Variants in MRPS9 observed in about 807,000 individuals in gnomAD.
MRPS9 encodes the protein small ribosomal subunit protein uS9m.
A neutral mutation model predicts 59.9 loss-of-function variants in MRPS9; 45 were observed. The ratio of observed to expected loss-of-function variants is 0.75; its 90% CI spans 0.59 to 0.96. MRPS9 has a LOEUF of 0.96. MRPS9 is among the 40% of genes least tolerant of loss of function. MRPS9 has a pLI of 0.00. For synonymous variants in MRPS9, 171 were observed against 166.8 expected (o/e 1.03, Z -0.19); for missense variants, 473 against 481.1 (o/e 0.98, Z 0.16).
rs1026095590 is a variant in MRPS9, at chr2:105,075,888, A to G, written c.410-4095A>G. 2.6e-5 allele frequency among the ~76,000 whole-genome samples: 4 copies of G among 152,176 alleles called. No homozygotes were observed. The East Asian group carries it at 7.7e-4, about 29-fold the overall frequency. On this transcript the variant is annotated intron_variant, in intron 4 of 10. Transcript: ENST00000258455. ...AGCATATCAAGACAAACAGAAACAC[A>G]TCAAATTTAAAAATATATCAATAGA...
At chr2:105,048,065 G>A (rs867964004) in intron 1 of MRPS9, among the ~76,000 whole-genome samples, 9 of 151,828 alleles carry the variant, frequency 5.9e-5, no homozygotes, top group South Asian at 4.1e-4. Flanking sequence ...TGTTTATTGC[G>A]GCACTATTCA....
intron 1 of MRPS9, among the ~76,000 whole-genome samples, chr2:105,045,176 A>G (rs1679570735): frequency 2.0e-5 from 3 of 152,184 alleles, no homozygotes; most frequent in African/African-American, 7.2e-5. Context: ...GCTGAAAAAG[A>G]GCTGAATAAG....
At chr2:105,084,058 CA>C (rs544707695) in intron 5 of MRPS9, among the ~76,000 whole-genome samples, 8 of 152,014 alleles carry the variant, frequency 5.3e-5, no homozygotes, top group Non-Finnish European at 1.2e-4. Context: ...TGAAGTTTTA[CA>C]AAAGCTCCCC....
intron 2 of MRPS9, among the ~76,000 whole-genome samples, chr2:105,049,613 G>A (rs1679672785): frequency 6.6e-6 from 1 of 152,176 alleles, no homozygotes; most frequent in Non-Finnish European, 1.5e-5. Flanking sequence ...CTGTTGTGTA[G>A]TCTTAGACTC....
At chr2:105,097,356 C>T in intron 10 of MRPS9, 32 bp downstream of exon 10, 1 of 1,530,814 alleles carries the variant, frequency 6.5e-7, no homozygotes, top group Non-Finnish European at 8.8e-7. Flanking sequence ...GCATGGTGGC[C>T]CAATACTGGC....
At chr2:105,038,615 G>A (rs1402711396) in intron 1 of MRPS9, 1 of 180,818 alleles carries the variant, frequency 5.5e-6, no homozygotes, top group Non-Finnish European at 1.2e-5. Flanking sequence ...TCCTGCAGGT[G>A]CCTGGAAGAC....
chr2:105,063,606 A>G (rs1679944554), intron 2 of MRPS9, among the ~76,000 whole-genome samples: 1 of 152,246 alleles, frequency 6.6e-6, no homozygotes, highest in Non-Finnish European at 1.5e-5. Context: ...TACAATTGCA[A>G]ACATCATGAT....
intron 2 of MRPS9, among the ~76,000 whole-genome samples, chr2:105,055,587 A>G (rs6731992): frequency 0.16 from 19,038 of 119,624 alleles, 2,456 homozygotes; most frequent in Middle Eastern, 0.26. Flanking sequence ...AATATAGCGG[A>G]CCCCTTTTGG....
At chr2:105,084,896 G>A (rs1004436319) in intron 5 of MRPS9, among the ~76,000 whole-genome samples, 1 of 152,044 alleles carries the variant, frequency 6.6e-6, no homozygotes, top group Non-Finnish European at 1.5e-5. Context: ...TAATTTTTTA[G>A]AAAAGGATTC....
chr2:105,096,989 A>G (rs1283686175), intron 9 of MRPS9, 166 bp from the exon 10 acceptor site: 6 of 610,244 alleles, frequency 9.8e-6, no homozygotes, highest in Non-Finnish European at 1.5e-5. Flanking sequence ...AATGTCAGAA[A>G]TGTTAGTGTT....
At chr2:105,063,816 C>T (rs1341152276) in intron 2 of MRPS9, among the ~76,000 whole-genome samples, 1 of 152,120 alleles carries the variant, frequency 6.6e-6, no homozygotes, top group African/African-American at 2.4e-5. Flanking sequence ...CTCTGCAATC[C>T]ATTTGGTTGT....
intron 1 of MRPS9, among the ~76,000 whole-genome samples, chr2:105,041,295 G>A (rs2104435952): frequency 6.6e-6 from 1 of 152,220 alleles, no homozygotes; most frequent in Non-Finnish European, 1.5e-5. Flanking sequence ...AAAAACAAAA[G>A]ACCAATTGCT....
In MRPS9 at chr2:105,089,031, G is replaced by T; in HGVS notation, c.537G>T (p.Leu179Phe). The change falls in exon 6 of 11, where the codon TTG becomes TTT. Residue 179 changes from leucine (L) to phenylalanine (F), a missense_variant. Physicochemically the swap from Leu to Phe is conservative, Grantham distance 22. Coordinates refer to ENST00000258455, the MANE Select transcript of MRPS9 (RefSeq NM_182640.3). ...ATTTAGAAAAACATCAAAGTCACTT[G>T]CAAGCCAAAAGTCTGCTCCCAGAAA... ...LLNLEKHQSH[L>F]QAKSLLPEKT... The T allele has an allele frequency of 6.2e-7, 1 of 1,611,542 alleles. No individual in the cohort carries two copies. The highest frequency in any genetic ancestry group is 8.5e-7 in the Non-Finnish European group (1 of 1,178,464).
intron 9 of MRPS9, 167 bp from the exon 10 acceptor site, chr2:105,096,988 A>C (rs1680674518): frequency 1.6e-6 from 1 of 607,164 alleles, no homozygotes; most frequent in South Asian, 5.9e-5. Context: ...AAATGTCAGA[A>C]ATGTTAGTGT....
In MRPS9 at chr2:105,089,955, A is replaced by C; in HGVS notation, c.611A>C (p.Glu204Ala). 3 of 1,610,728 alleles carry C rather than the reference A, an allele frequency of 1.9e-6. No homozygotes were observed. The highest frequency in any genetic ancestry group is 2.5e-6 in the Non-Finnish European group (3 of 1,177,876). Residue 204 changes from glutamate to alanine, a missense_variant, in exon 7 of 11, where the codon GAA becomes GCA. Physicochemically the swap from Glu to Ala is moderately radical, Grantham distance 107 (BLOSUM62 -1). Coordinates refer to ENST00000258455, the MANE Select transcript of MRPS9 (RefSeq NM_182640.3). ...GGCAGCAGATGGCTGATTAAGGAGGAACTAGAAGAAATGTTAGTGGAAAAA... is the reference window on the plus strand; with the variant it reads ...GGCAGCAGATGGCTGATTAAGGAGGCACTAGAAGAAATGTTAGTGGAAAAA... The part of the protein sequence containing the change: ...VIGSRWLIKE[E>A]LEEMLVEKLS...
At chr2:105,048,988 T>A (rs111235879) in intron 1 of MRPS9, among the ~76,000 whole-genome samples, 183 bp from the exon 2 acceptor site, 3 of 143,538 alleles carry the variant, frequency 2.1e-5, no homozygotes, top group African/African-American at 7.6e-5. Flanking sequence ...AGGCTTTGAG[T>A]AGGGGACACA....
intron 7 of MRPS9, among the ~76,000 whole-genome samples, chr2:105,090,267 G>A (rs1318894691): frequency 6.6e-6 from 1 of 152,192 alleles, no homozygotes; most frequent in Non-Finnish European, 1.5e-5. Context: ...TCCTGTGCCA[G>A]TTGTTTTAGG....
At chr2:105,075,655 G>A (rs1680194698) in intron 4 of MRPS9, among the ~76,000 whole-genome samples, 1 of 152,118 alleles carries the variant, frequency 6.6e-6, no homozygotes, top group African/African-American at 2.4e-5. Flanking sequence ...TAAAACACTA[G>A]CAAACCAAGT....
chr2:105,094,324 TTCTAA>T (rs1680617146), intron 9 of MRPS9, among the ~76,000 whole-genome samples: 2 of 152,216 alleles, frequency 1.3e-5, no homozygotes, highest in Non-Finnish European at 2.9e-5. Context: ...ACTACAGCTC[TTCTAA>T]TCTAAATATA....
Sources: allele counts gnomAD v4.1 joint callset (sites outside exome capture counted in the v4.1 genomes callset), GRCh38; gene constraint gnomAD v4.1.1; transcripts MANE v1.5; gene names NCBI Gene and HGNC (gene_info 2026-07-23, HGNC 2026-07-21).